Variants in MAPK4 observed in about 807,000 individuals in gnomAD.
The protein encoded by MAPK4 is mitogen-activated protein kinase 4.
Under a neutral mutation model 47.7 loss-of-function variants are expected in MAPK4, and 22 were observed. The ratio of observed to expected loss-of-function variants is 0.46; its 90% confidence interval spans 0.33 to 0.66. MAPK4 has a LOEUF of 0.66. MAPK4 is among the 30% of genes least tolerant of loss of function. MAPK4 has a pLI of 0.02. For missense variants in MAPK4, 736 were observed against 831.7 expected, an observed-to-expected ratio of 0.88 and a Z score of 1.42; for synonymous variants, 390 against 365.7, an observed-to-expected ratio of 1.07 and a Z score of -0.76.
Position 50,729,551 on chromosome 18 carries a change from C to T in MAPK4, c.1461C>T (p.Ala487=). 7.0e-7 allele frequency: 1 copy of T among 1,427,780 alleles called. No individual in the cohort carries two copies. The highest frequency in any genetic ancestry group is 9.2e-7 in the Non-Finnish European group (1 of 1,090,096). The allele number at this position is 1,427,780 out of a possible 1,614,324, so 88.4% of individuals were successfully genotyped here. Residue 487 remains alanine (A), a synonymous_variant, in exon 6 of 6, where the codon GCC becomes GCT. Transcript: ENST00000400384. ...ADTGAREDEP[A]SLFLEIAQWV... Reference sequence around the variant, plus strand: ...CGGGGGCGCGCGAGGACGAGCCGGCCAGCCTCTTCCTGGAGATCGCGCAGT... The same window carrying T: ...CGGGGGCGCGCGAGGACGAGCCGGCTAGCCTCTTCCTGGAGATCGCGCAGT...
Position 50,628,276 on chromosome 18 carries a change from C to T in MAPK4, c.-870-34813C>T, listed in dbSNP as rs76567344. ...TAATTAGAAGTGTGAAGAATTCTAT[C>T]GGGTTCGCTGTTTCCAAATCCAACA... On this transcript the variant is annotated intron_variant, in intron 1 of 5. Transcript: ENST00000400384. Among the ~76,000 whole-genome samples, 493 of 152,314 alleles carry T rather than the reference C, an allele frequency of 3.2e-3. 2 individuals carry two copies. The highest frequency in any genetic ancestry group is 0.011 in the East Asian group (59 of 5,178).
In MAPK4 at chr18:50,663,752, G is replaced by A. The variant is rs1318395252; in HGVS notation, c.-207G>A. ...AATGCAGGTTAAGACGACAGCCTGC[G>A]CCCCCAACTAGCACAGCTCAGCGAG... On this transcript the variant is annotated 5_prime_UTR_variant, in exon 2 of 6. Transcript: ENST00000400384. The A allele has an allele frequency of 1.6e-5, 8 of 491,432 alleles. No homozygotes were observed. Among genetic ancestry groups the A allele is most frequent in the South Asian group, 3.8e-5 (1 of 26,322 alleles). The allele number at this position is 491,432 out of a possible 1,614,324, so 30.4% of individuals were successfully genotyped here. A position where few individuals can be genotyped will look rare whatever the true frequency, so the allele number is the denominator to read the frequency against.
chr18:50,565,359 T>TAG lies in MAPK4; in HGVS notation c.-871+5117_-871+5118insGA, dbSNP rs1435222133. On this transcript the variant is annotated intron_variant, in intron 1 of 5. Coordinates refer to ENST00000400384, the MANE Select transcript of MAPK4 (RefSeq NM_002747.4). ...GTTCCACTAGTGGGTAGTAGTAACT[T>TAG]ACTGCACCTTGTAAACGAGGTTGGT... Among the ~76,000 whole-genome samples the TAG allele has an allele frequency of 2.6e-5, 4 of 152,318 alleles. No homozygotes were observed. In the East Asian group the frequency reaches 7.7e-4, roughly 29 times the overall value.
chr18:50,668,309 C>T (rs939137812), intron 2 of MAPK4, among the ~76,000 whole-genome samples: 1 of 152,226 alleles, frequency 6.6e-6, no homozygotes, highest in Non-Finnish European at 1.5e-5. Context: ...GTCCTCATGC[C>T]TCCCATCTTT....
chr18:50,581,252 G>C (rs574066143), intron 1 of MAPK4, among the ~76,000 whole-genome samples: 1 of 152,302 alleles, frequency 6.6e-6, no homozygotes, highest in South Asian at 2.1e-4. Context: ...TTAGCTGAGT[G>C]GTTCTAGTTC....
At chr18:50,645,203 G>A (rs1489545276) in intron 1 of MAPK4, among the ~76,000 whole-genome samples, 1 of 152,168 alleles carries the variant, frequency 6.6e-6, no homozygotes, top group African/African-American at 2.4e-5. Flanking sequence ...GAATGCCAAC[G>A]CGCCATCCAT....
At chr18:50,640,807 A>AACACACACAC (rs139939686) in intron 1 of MAPK4, among the ~76,000 whole-genome samples, 2 of 151,258 alleles carry the variant, frequency 1.3e-5, no homozygotes, top group Non-Finnish European at 3.0e-5. Context: ...TGTTGGCTTA[A>AACACACACAC]ACACACACAC....
chr18:50,720,712 T>C (rs1422335502), intron 3 of MAPK4, among the ~76,000 whole-genome samples: 1 of 152,138 alleles, frequency 6.6e-6, no homozygotes, highest in Non-Finnish European at 1.5e-5. Flanking sequence ...GACCTCATGG[T>C]CCCCTGGTGG....
At chr18:50,662,930 G>A (rs1179198109) in intron 1 of MAPK4, among the ~76,000 whole-genome samples, 159 bp from the exon 2 acceptor site, 1 of 152,202 alleles carries the variant, frequency 6.6e-6, no homozygotes, top group Non-Finnish European at 1.5e-5. Context: ...ACAGCAGGAG[G>A]GTGGCTGGGC....
intron 2 of MAPK4, among the ~76,000 whole-genome samples, chr18:50,668,171 G>T (rs1434264681): frequency 6.6e-6 from 1 of 152,206 alleles, no homozygotes; most frequent in Non-Finnish European, 1.5e-5. Context: ...CAGGTGAAAA[G>T]ATATACAGGG....
chr18:50,695,624 G>A (rs1406054053), intron 2 of MAPK4, among the ~76,000 whole-genome samples: 1 of 152,190 alleles, frequency 6.6e-6, no homozygotes, highest in African/African-American at 2.4e-5. Context: ...AAGACAGAAG[G>A]TGGCGGATGC....
At chr18:50,669,621 T>C (rs1287764689) in intron 2 of MAPK4, 2 of 152,270 alleles carry the variant, frequency 1.3e-5, no homozygotes, top group Non-Finnish European at 2.9e-5. Flanking sequence ...GCGTGCATCA[T>C]GGCATTTACA....
chr18:50,640,952 A>G (rs975608148), intron 1 of MAPK4, among the ~76,000 whole-genome samples: 1 of 152,240 alleles, frequency 6.6e-6, no homozygotes, highest in Admixed American at 6.5e-5. Context: ...CCTATAGCAA[A>G]CAAAGATTAT....
At chr18:50,634,450 C>T (rs181099948) in intron 1 of MAPK4, among the ~76,000 whole-genome samples, 77 of 152,102 alleles carry the variant, frequency 5.1e-4, no homozygotes, top group African/African-American at 1.7e-3. Context: ...TAGCCGAACA[C>T]GAGTAGTCTC....
At chr18:50,642,898 C>A (rs1232502113) in intron 1 of MAPK4, among the ~76,000 whole-genome samples, 1 of 152,210 alleles carries the variant, frequency 6.6e-6, no homozygotes, top group South Asian at 2.1e-4. Context: ...AGCCACCACG[C>A]CTGTCCTGCA....
chr18:50,729,529 G>C lies in MAPK4; in HGVS notation c.1439G>C (p.Gly480Ala). The stretch of plus-strand genomic sequence containing the variant: ...ACGGCCACGGGGCTGGCGGACACGG[G>C]GGCGCGCGAGGACGAGCCGGCCAGC... The part of the protein sequence containing the change: ...PPTATGLADT[G>A]AREDEPASLF... Residue 480 changes from glycine (G) to alanine (A), a missense_variant, in exon 6 of 6, where the codon GGG (glycine) becomes GCG (alanine). Coordinates refer to ENST00000400384, the MANE Select transcript of MAPK4 (RefSeq NM_002747.4). The C allele has an allele frequency of 5.6e-6, 8 of 1,434,104 alleles. No homozygotes were observed. The highest frequency in any genetic ancestry group is 7.3e-6 in the Non-Finnish European group (8 of 1,094,130). 88.8% of individuals were successfully genotyped at this position (1,434,104 alleles called of 1,614,324 possible). A position where few individuals can be genotyped will look rare whatever the true frequency, so the allele number is the denominator to read the frequency against.
intron 1 of MAPK4, among the ~76,000 whole-genome samples, chr18:50,639,902 G>A (rs896085879): frequency 6.6e-6 from 1 of 152,162 alleles, no homozygotes; most frequent in Admixed American, 6.5e-5. Context: ...TATACTCTTC[G>A]CTCGTTAATA....
At chr18:50,715,863 C>T (rs1910607462) in intron 3 of MAPK4, among the ~76,000 whole-genome samples, 1 of 152,174 alleles carries the variant, frequency 6.6e-6, no homozygotes, top group Admixed American at 6.5e-5. Context: ...TGCAAACACA[C>T]CCACCCTACA....
Position 50,664,231 on chromosome 18 carries a change from G to A in MAPK4, c.273G>A (p.Leu91=), listed in dbSNP as rs1415690847. The A allele has an allele frequency of 6.2e-7, 1 of 1,614,040 alleles. No individual in the cohort carries two copies. The highest frequency in any genetic ancestry group is 8.5e-7 in the Non-Finnish European group (1 of 1,180,032). The change falls in exon 2 of 6, where the codon CTG becomes CTA. Residue 91 remains leucine (L), a synonymous_variant. Coordinates refer to ENST00000400384, the MANE Select transcript of MAPK4 (RefSeq NM_002747.4). The surrounding 1 kb of genome is among the most constrained non-coding windows in gnomAD (Gnocchi z 6.0). ...TGCTCGGTCCCAAGGGCACTGACCT[G>A]CAGGGTGAGCTGTTCAAGTTCAGCG... ...YEVLGPKGTD[L]QGELFKFSVA... is the part of the protein sequence containing the mutation.
Sources: gnomAD v4.1 joint callset for allele counts (sites outside exome capture counted in the v4.1 genomes callset) on GRCh38, gnomAD v4.1.1 for gene constraint, Gnocchi (gnomAD v3.1) non-coding constraint, MANE v1.5 for transcripts, NCBI Gene and HGNC (gene_info 2026-07-23, HGNC 2026-07-21) for gene names.